Variants in PRKG1 observed in about 807,000 individuals in gnomAD.
The protein encoded by PRKG1 is protein kinase cGMP-dependent 1.
PRKG1 carries 35 observed loss-of-function variants against 88.1 expected under a neutral mutation model. That is an observed-to-expected ratio of 0.40 (90% CI 0.30 to 0.53). The LOEUF is 0.53. Among genes scored for constraint, PRKG1 ranks in the 20% least tolerant of loss-of-function variants. The probability of loss-of-function intolerance (pLI) is 0.59; values close to 1 mark genes in which losing one functional copy is unlikely to be tolerated. For synonymous variants in PRKG1, 303 were observed against 292.5 expected, an observed-to-expected ratio of 1.04 and a Z score of -0.37; for missense variants, 540 against 839.8, an observed-to-expected ratio of 0.64 and a Z score of 4.41.
intron 2 of PRKG1, among the ~76,000 whole-genome samples, chr10:51,413,372 T>C (rs1343411114): frequency 2.0e-5 from 3 of 152,078 alleles, no homozygotes; most frequent in Non-Finnish European, 4.4e-5. Context: ...GTTTGTTTGT[T>C]TGTTTTTGTT....
intron 5 of PRKG1, among the ~76,000 whole-genome samples, chr10:52,033,551 C>A (rs762475539): frequency 6.6e-6 from 1 of 152,190 alleles, no homozygotes; most frequent in Non-Finnish European, 1.5e-5. Flanking sequence ...TGGAGACAGT[C>A]TGTCCTCCAG....
intron 9 of PRKG1, among the ~76,000 whole-genome samples, chr10:52,218,490 G>A (rs1323738805): frequency 2.6e-5 from 4 of 152,066 alleles, no homozygotes; most frequent in Non-Finnish European, 5.9e-5. Flanking sequence ...TATCAAGTAT[G>A]ACCCAATTTC....
At chr10:51,604,160 A>G (rs1838693290) in intron 3 of PRKG1, among the ~76,000 whole-genome samples, 3 of 149,364 alleles carry the variant, frequency 2.0e-5, no homozygotes, top group African/African-American at 4.9e-5. Context: ...ATTATTTCCC[A>G]TGAATGCTAA....
rs1846694230 is a variant in PRKG1, at chr10:51,171,155, G to T, written c.478+17825G>T. Among the ~76,000 whole-genome samples, 3 of 152,118 alleles carry T rather than the reference G, an allele frequency of 2.0e-5. 1 individual carries two copies. The South Asian group carries it at 6.2e-4, about 31-fold the overall frequency. On this transcript the variant is annotated intron_variant, in intron 2 of 17. Coordinates refer to ENST00000373980, the MANE Select transcript of PRKG1 (RefSeq NM_006258.4). ...GAAATGGTATGTGAGACACAGTGAG[G>T]AGTGAAAGATGACTCCAAGTTTTTG...
At chr10:51,568,205 AT>A (rs1438846024) in intron 3 of PRKG1, among the ~76,000 whole-genome samples, 1 of 151,936 alleles carries the variant, frequency 6.6e-6, no homozygotes, top group Non-Finnish European at 1.5e-5. Flanking sequence ...TTTTCAGAGT[AT>A]TGTCCGAATG....
intron 1 of PRKG1, among the ~76,000 whole-genome samples, chr10:51,078,569 T>A (rs993284475): frequency 1.3e-5 from 2 of 148,944 alleles, no homozygotes; most frequent in African/African-American, 2.5e-5. Context: ...TTGGAGGAGT[T>A]GAGGATAAAA....
chr10:51,947,351 C>T (rs1240927439), intron 5 of PRKG1, among the ~76,000 whole-genome samples: 1 of 152,232 alleles, frequency 6.6e-6, no homozygotes, highest in Admixed American at 6.5e-5. Context: ...ACCCGATTTT[C>T]CAGGTGCCGT....
chr10:51,437,751 T>G (rs1032072916), intron 2 of PRKG1, among the ~76,000 whole-genome samples: 3 of 151,412 alleles, frequency 2.0e-5, no homozygotes, highest in Non-Finnish European at 4.4e-5. Context: ...TCAGTGGTTC[T>G]TAAACAGAGG....
chr10:52,100,936 T>G (rs1473216974), intron 7 of PRKG1, among the ~76,000 whole-genome samples: 1 of 152,242 alleles, frequency 6.6e-6, no homozygotes, highest in Non-Finnish European at 1.5e-5. Flanking sequence ...GTGGTGTTTC[T>G]GCTTTGTTGC....
chr10:51,997,875 T>C (rs570194067), intron 5 of PRKG1, among the ~76,000 whole-genome samples: 2 of 152,130 alleles, frequency 1.3e-5, no homozygotes, highest in Non-Finnish European at 2.9e-5. Context: ...TTCCATCCCT[T>C]GTAGTTTTTA....
intron 2 of PRKG1, among the ~76,000 whole-genome samples, chr10:51,377,981 T>C (rs533738578): frequency 1.2e-4 from 19 of 152,326 alleles, no homozygotes; most frequent in African/African-American, 4.3e-4. Flanking sequence ...CCAAGCTAGC[T>C]GATTGATCAC....
At chr10:52,273,203 AT>A (rs1191068020) in intron 12 of PRKG1, among the ~76,000 whole-genome samples, 4 of 152,074 alleles carry the variant, frequency 2.6e-5, no homozygotes, top group Admixed American at 6.6e-5. Context: ...AATATAATTT[AT>A]CCTATAAAAT....
At chr10:51,152,957 T>TA (rs1271326245) in intron 1 of PRKG1, among the ~76,000 whole-genome samples, 1 of 147,368 alleles carries the variant, frequency 6.8e-6, no homozygotes, top group Non-Finnish European at 1.5e-5. Flanking sequence ...ATAGAATACT[T>TA]AAAAAAAATT....
At chr10:52,086,162 A>G (rs539405456) in intron 7 of PRKG1, among the ~76,000 whole-genome samples, 2 of 152,202 alleles carry the variant, frequency 1.3e-5, no homozygotes, top group South Asian at 4.1e-4. Context: ...ATTCCAAAAA[A>G]AAGTTTACTC....
intron 3 of PRKG1, among the ~76,000 whole-genome samples, chr10:51,567,438 T>G (rs2132160878): frequency 6.6e-6 from 1 of 152,218 alleles, no homozygotes; most frequent in African/African-American, 2.4e-5. Context: ...TTAGTTTAAA[T>G]TTTGTACATC....
rs116242491 is a variant in PRKG1, at chr10:52,122,197, G to C, written c.936-11643G>C. Among the ~76,000 whole-genome samples the C allele has an allele frequency of 4.7e-3, 722 of 152,276 alleles. 4 individuals are homozygous for C. Among genetic ancestry groups the C allele is most frequent in the African/African-American group, 0.016 (684 of 41,536 alleles). On this transcript the variant is annotated intron_variant, in intron 7 of 17. Coordinates refer to ENST00000373980, the MANE Select transcript of PRKG1 (RefSeq NM_006258.4). The stretch of plus-strand genomic sequence containing the variant: ...AGAAAGCGTGTGCACACGTGCAAGA[G>C]AGTGCAAGAGGGAGCCAAACGCACT...
At chr10:51,898,801 G>A (rs1264153982) in intron 4 of PRKG1, among the ~76,000 whole-genome samples, 1 of 152,124 alleles carries the variant, frequency 6.6e-6, no homozygotes, top group African/African-American at 2.4e-5. Flanking sequence ...AACAGCATTG[G>A]TGACAGAGCA....
At chr10:51,542,775 C>G (rs1406208335) in intron 3 of PRKG1, among the ~76,000 whole-genome samples, 1 of 152,088 alleles carries the variant, frequency 6.6e-6, no homozygotes, top group Non-Finnish European at 1.5e-5. Context: ...GAGAGAGCAC[C>G]AGGCTAGCCA....
intron 3 of PRKG1, among the ~76,000 whole-genome samples, chr10:51,582,622 A>G (rs1474460559): frequency 6.6e-6 from 1 of 152,150 alleles, no homozygotes; most frequent in Non-Finnish European, 1.5e-5. Flanking sequence ...TGTTCCTGCA[A>G]AGGACATGAT....
Sources: gnomAD v4.1 joint callset for allele counts (sites outside exome capture counted in the v4.1 genomes callset) on GRCh38, gnomAD v4.1.1 for gene constraint, MANE v1.5 for transcripts, NCBI Gene and HGNC (gene_info 2026-07-23, HGNC 2026-07-21) for gene names.